ZZEF1: variants seen among roughly 807,000 people sequenced by gnomAD.
ZZEF1 encodes the protein zinc finger ZZ-type and EF-hand domain-containing protein 1.
Under a neutral mutation model 342.8 loss-of-function variants are expected in ZZEF1, and 157 were observed. The ratio of observed to expected loss-of-function variants is 0.46; its 90% CI spans 0.40 to 0.52. The LOEUF is 0.52. Ranked by LOEUF, ZZEF1 falls within the 20% of genes least tolerant of loss-of-function variation. The probability of loss-of-function intolerance (pLI) is 0.00; values close to 1 mark genes in which losing one functional copy is unlikely to be tolerated. For missense variants in ZZEF1, 3,480 were observed against 3,725.6 expected, an observed-to-expected ratio of 0.93 and a Z score of 1.72; for synonymous variants, 1,505 against 1,429.1, an observed-to-expected ratio of 1.05 and a Z score of -1.20.
intron 42 of ZZEF1, among the ~76,000 whole-genome samples, chr17:4,028,253 A>C (rs1390693935): frequency 6.6e-6 from 1 of 152,180 alleles, no homozygotes; most frequent in Non-Finnish European, 1.5e-5. Context: ...TTTTGCTTCA[A>C]AAAGTGAGAT....
At chr17:4,010,392 T>C (rs1397636832) in intron 52 of ZZEF1, among the ~76,000 whole-genome samples, 1 of 148,940 alleles carries the variant, frequency 6.7e-6, no homozygotes, top group African/African-American at 2.5e-5. Context: ...CCAGTGACAG[T>C]GGGAACTCAT....
In ZZEF1 at chr17:4,072,594, G is replaced by T. The variant is rs368626179; in HGVS notation, c.3834+14C>A. ...TTTCCAGTCTAAATAGAAAGAAAACGGAAGAGTAAATACCTCCTTACTATT... is the reference window on the plus strand; with the variant it reads ...TTTCCAGTCTAAATAGAAAGAAAACTGAAGAGTAAATACCTCCTTACTATT... On this transcript the variant is annotated intron_variant, in intron 25 of 54. Coordinates refer to ENST00000381638, the MANE Select transcript of ZZEF1 (RefSeq NM_015113.4). 1 of 1,588,454 alleles carries T rather than the reference G, an allele frequency of 6.3e-7. No homozygotes were observed.
At position 4,022,697 on chromosome 17, in the gene ZZEF1, C is replaced by G. The variant is rs756832961; in HGVS notation, c.7212+12G>C. On this transcript the variant is annotated intron_variant, in intron 44 of 54. Transcript: ENST00000381638. The stretch of plus-strand genomic sequence containing the variant: ...CCAGGAAAGAGGAGCAGGAGTCCCT[C>G]TCGTCTCTTACTTCCAGGTCCCGGA... 3 of 1,613,680 alleles carry G rather than the reference C, an allele frequency of 1.9e-6. No individual in the cohort carries two copies. The highest frequency in any genetic ancestry group is 2.2e-5 in the South Asian group (2 of 91,064).
At chr17:4,019,994 T>C (rs984598762) in intron 45 of ZZEF1, 1 of 443,198 alleles carries the variant, frequency 2.3e-6, no homozygotes, top group Non-Finnish European at 3.9e-6. Context: ...TATAAAACAC[T>C]AAAACCCCAA....
At chr17:4,086,136 G>C (rs1381421455) in intron 15 of ZZEF1, among the ~76,000 whole-genome samples, 1 of 152,098 alleles carries the variant, frequency 6.6e-6, no homozygotes. Context: ...TGAAGTTAAG[G>C]CTCAACAGTA....
intron 12 of ZZEF1, among the ~76,000 whole-genome samples, 159 bp downstream of exon 12, chr17:4,090,560 A>G (rs1388174781): frequency 1.3e-5 from 2 of 152,180 alleles, no homozygotes; most frequent in African/African-American, 4.8e-5. Context: ...AGCTCGTATC[A>G]CACTGTCTTA....
At chr17:4,109,142 G>A (rs1016781045) in intron 6 of ZZEF1, among the ~76,000 whole-genome samples, 1 of 152,140 alleles carries the variant, frequency 6.6e-6, no homozygotes, top group East Asian at 1.9e-4. Context: ...TTCGTGGAAA[G>A]AGCCCTCAAC....
intron 1 of ZZEF1, among the ~76,000 whole-genome samples, chr17:4,140,561 G>A (rs900226419): frequency 6.6e-6 from 1 of 152,196 alleles, no homozygotes; most frequent in African/African-American, 2.4e-5. Flanking sequence ...TGTCATCCAA[G>A]TGAGTGGCAC....
At chr17:4,109,917 C>T in intron 5 of ZZEF1, 54 bp from the exon 6 acceptor site, 1 of 1,586,048 alleles carries the variant, frequency 6.3e-7, no homozygotes, top group South Asian at 1.1e-5. Flanking sequence ...TAGGCAAATG[C>T]TGGGCTCCCA....
chr17:4,090,864 T>C, intron 11 of ZZEF1, 34 bp from the exon 12 acceptor site: 1 of 1,548,746 alleles, frequency 6.5e-7, no homozygotes, highest in South Asian at 1.1e-5. Flanking sequence ...AAACATTTTA[T>C]TTTGAAACTT....
intron 11 of ZZEF1, among the ~76,000 whole-genome samples, chr17:4,094,987 A>G (rs2058008484): frequency 6.6e-6 from 1 of 152,324 alleles, no homozygotes; most frequent in South Asian, 2.1e-4. Flanking sequence ...GAAATGCCTC[A>G]ACACATTCCC....
intron 9 of ZZEF1, among the ~76,000 whole-genome samples, chr17:4,101,417 A>C (rs969841775): frequency 1.1e-4 from 17 of 152,190 alleles, no homozygotes; most frequent in African/African-American, 4.1e-4. Context: ...AAATCAGTCC[A>C]GTGAGGAAAA....
At chr17:4,095,173 T>G (rs1381102363) in intron 11 of ZZEF1, among the ~76,000 whole-genome samples, 1 of 152,164 alleles carries the variant, frequency 6.6e-6, no homozygotes, top group Non-Finnish European at 1.5e-5. Context: ...TCTGGGCCCA[T>G]GAAGCTGCCC....
chr17:4,080,384 G>A (rs1597861932), intron 18 of ZZEF1, among the ~76,000 whole-genome samples: 1 of 152,082 alleles, frequency 6.6e-6, no homozygotes, highest in African/African-American at 2.4e-5. Context: ...TCGTTGCCCA[G>A]GCTGGAGTGC....
At chr17:4,056,459 G>T (rs2057161614) in intron 32 of ZZEF1, 114 bp from the exon 33 acceptor site, 1 of 1,121,720 alleles carries the variant, frequency 8.9e-7, no homozygotes, top group Non-Finnish European at 1.2e-6. Flanking sequence ...TTCAACTTCT[G>T]AGAGGGAAAG....
At chr17:4,076,574 C>T (rs781331637) in intron 21 of ZZEF1, 63 bp downstream of exon 21, 3 of 1,565,998 alleles carry the variant, frequency 1.9e-6, no homozygotes, top group Non-Finnish European at 2.6e-6. Flanking sequence ...GTCCACTTCA[C>T]TAAGTGTGTC....
rs1023195686 is a variant in ZZEF1, at chr17:4,017,559, C to A, written c.7813G>T (p.Asp2605Tyr). The A allele has an allele frequency of 1.3e-5, 21 of 1,614,138 alleles. No homozygotes were observed. Among genetic ancestry groups the A allele is most frequent in the Non-Finnish European group, 1.7e-5 (20 of 1,180,052 alleles). ...LNCKSKRAVRDYLFRVNEATA... is the reference protein window; with the variant it reads ...LNCKSKRAVRYYLFRVNEATA... Reference sequence around the variant, plus strand: ...GCCTCGTTCACTCGGAAGAGGTAGTCCCGGACAGCCCTCTTACTCTTGCAG... The same window carrying A: ...GCCTCGTTCACTCGGAAGAGGTAGTACCGGACAGCCCTCTTACTCTTGCAG... The change falls in exon 48 of 55, where the codon GAC (aspartate) becomes TAC (tyrosine). Residue 2605 changes from aspartate (D) to tyrosine (Y), a missense_variant. Physicochemically the swap from Asp to Tyr is radical, Grantham distance 160 (BLOSUM62 -3). Around this residue, in one of 5 missense-constraint regions of ZZEF1, gnomAD observed 1,269 missense variants for 1,342.4 expected, o/e 0.95. Transcript: ENST00000381638. The surrounding 1 kb of genome is among the most constrained non-coding windows in gnomAD (Gnocchi z 5.1).
At chr17:4,054,735 G>T (rs1186326058) in intron 33 of ZZEF1, among the ~76,000 whole-genome samples, 3 of 152,130 alleles carry the variant, frequency 2.0e-5, no homozygotes, top group Admixed American at 2.0e-4. Context: ...TTAGAGAGAA[G>T]AGTAATGTGA....
Position 4,021,145 on chromosome 17 carries a change from G to C in ZZEF1, c.7388C>G (p.Thr2463Ser), listed in dbSNP as rs1455896573. 1 of 1,612,036 alleles carries C rather than the reference G, an allele frequency of 6.2e-7. No homozygotes were observed. The highest frequency in any genetic ancestry group is 1.3e-5 in the African/African-American group (1 of 74,922). Residue 2463 changes from threonine (T) to serine (S), a missense_variant, in exon 45 of 55, where the codon ACC becomes AGC. By Grantham distance (58) the Thr-to-Ser change is moderately conservative. Coordinates refer to ENST00000381638, the MANE Select transcript of ZZEF1 (RefSeq NM_015113.4). Reference sequence around the variant, plus strand: ...AGAACACACCAAGAAACATATTCTGGTGGGCTCATCCAGGCCCTCAAGGGG... The same window carrying C: ...AGAACACACCAAGAAACATATTCTGCTGGGCTCATCCAGGCCCTCAAGGGG... ...LDPLEGLDEP[T>S]RICFLMAHDA...
Sources: gnomAD v4.1 joint callset for allele counts (sites outside exome capture counted in the v4.1 genomes callset) on GRCh38, gnomAD v4.1.1 for gene constraint, gnomAD v4.1.1 regional missense constraint, Gnocchi (gnomAD v3.1) non-coding constraint, MANE v1.5 for transcripts, NCBI Gene and HGNC (gene_info 2026-07-23, HGNC 2026-07-21) for gene names.